Variants in RYR1 observed in about 807,000 individuals in gnomAD.
RYR1 encodes the protein ryanodine receptor 1.
In RYR1, 342 loss-of-function variants were observed where a neutral mutation model predicts 583.5. That is an observed-to-expected ratio of 0.59 (90% CI 0.54 to 0.64). The LOEUF is 0.64. Among genes scored for constraint, RYR1 ranks in the 30% least tolerant of loss-of-function variants. The probability of loss-of-function intolerance (pLI) is 0.00; values close to 1 mark genes in which losing one functional copy is unlikely to be tolerated. For synonymous variants in RYR1, 2,791 were observed against 2,822.5 expected (o/e 0.99, Z 0.35); for missense variants, 6,032 against 6,917.2 (o/e 0.87, Z 4.54).
chr19:38,470,261 T>A (rs188101668), intron 27 of RYR1, among the ~76,000 whole-genome samples: 5,557 of 149,148 alleles, frequency 0.037, 345 homozygotes, highest in African/African-American at 0.13. Flanking sequence ...CAAAAAAAAA[T>A]TTTTTTTTAA....
At chr19:38,548,572 A>G (rs750845008) in intron 89 of RYR1, 152 bp downstream of exon 89, 31 of 736,800 alleles carry the variant, frequency 4.2e-5, no homozygotes, top group Non-Finnish European at 6.1e-5. Context: ...CTTGGGTTAT[A>G]TGTATTCTGT....
In RYR1 at chr19:38,444,620, G is replaced by A. The variant is rs568522756; in HGVS notation, c.574G>A (p.Ala192Thr). The A allele has an allele frequency of 1.9e-6, 3 of 1,613,992 alleles. No homozygotes were observed. Among genetic ancestry groups the A allele is most frequent in the South Asian group, 1.1e-5 (1 of 91,032 alleles). Residue 192 changes from alanine (A) to threonine (T), a missense_variant, in exon 7 of 106, where the codon GCT (alanine) becomes ACT (threonine). This residue lies in a region of RYR1 where 338 missense variants were observed against 441.6 expected (regional missense o/e 0.77). Coordinates refer to ENST00000359596, the MANE Select transcript of RYR1 (RefSeq NM_000540.3). This position sits in a 1 kb window ranked among gnomAD's most constrained non-coding sequence, Gnocchi z 5.1. ...CGCCAGTGGGGAGCTCCAGGTTGAC[G>A]CTTCCTTCATGCAGACACTATGGAA... ...STASGELQVD[A>T]SFMQTLWNMN...
At chr19:38,529,865 C>G (rs188608982) in intron 76 of RYR1, among the ~76,000 whole-genome samples, 1 of 152,142 alleles carries the variant, frequency 6.6e-6, no homozygotes, top group Admixed American at 6.5e-5. Context: ...CCAAGCTAAG[C>G]GGGGATATCT....
chr19:38,557,071 T>TG (rs1555797317), intron 89 of RYR1, among the ~76,000 whole-genome samples: 5 of 149,634 alleles, frequency 3.3e-5, no homozygotes, highest in African/African-American at 1.2e-4. Flanking sequence ...TTTTTTTTTT[T>TG]GTGACAGAGT....
intron 53 of RYR1, among the ~76,000 whole-genome samples, chr19:38,505,599 T>C (rs771822013): frequency 3.3e-5 from 5 of 152,122 alleles, no homozygotes; most frequent in Non-Finnish European, 5.9e-5. Context: ...TCCTTGGCTG[T>C]AGTAAGACTT....
At position 38,527,007 on chromosome 19, in the gene RYR1, G is replaced by T; in HGVS notation, c.10641G>T (p.Glu3547Asp). Residue 3547 changes from glutamate (E) to aspartate (D), a missense_variant, in exon 72 of 106, where the codon GAG becomes GAT. Glu to Asp is a conservative substitution (Grantham distance 45). Around this residue, in one of 11 missense-constraint regions of RYR1, gnomAD observed 1,493 missense variants for 1,715.5 expected, o/e 0.87. Transcript: ENST00000359596. Reference protein sequence around the residue: ...KTRYALKDTDEEVREFLHNNL... With the variant: ...KTRYALKDTDDEVREFLHNNL... ...TGTCTCCCCAGAAAGACACAGATGAGGAGGTCCGGGAATTTCTGCACAACA... is the reference window on the plus strand; with the variant it reads ...TGTCTCCCCAGAAAGACACAGATGATGAGGTCCGGGAATTTCTGCACAACA... The T allele has an allele frequency of 6.2e-7, 1 of 1,613,974 alleles. No homozygotes were observed. The highest frequency in any genetic ancestry group is 8.5e-7 in the Non-Finnish European group (1 of 1,179,908).
rs2145894815 is a variant in RYR1 at position 38,579,990 on chromosome 19, G to A, written c.14373G>A (p.Leu4791=). Residue 4791 remains leucine, a synonymous_variant, in exon 100 of 106, where the codon CTG becomes CTA. Transcript: ENST00000359596. ...FGVIFTDNSF[L]YLGWYMVMSL... ...GCCCTGTGTGCCCACAGTCCTTCCT[G>A]TACCTGGGCTGGTATATGGTGATGT... is the stretch of plus-strand genomic sequence containing the variant. The A allele has an allele frequency of 6.2e-7, 1 of 1,614,152 alleles. No homozygotes were observed. Among genetic ancestry groups the A allele is most frequent in the African/African-American group, 1.3e-5 (1 of 75,048 alleles).
At chr19:38,542,602 T>C (rs1201396856) in intron 84 of RYR1, among the ~76,000 whole-genome samples, 1 of 152,166 alleles carries the variant, frequency 6.6e-6, no homozygotes, top group Admixed American at 6.5e-5. Flanking sequence ...CACTGCAACC[T>C]CTGCCTTCCG....
In RYR1 at chr19:38,580,357, A is replaced by G. The variant is rs1974144364; in HGVS notation, c.14512-13A>G. ...CCCAGGGCGGAGCTGACCTGGCCCCATCCTGCCCCCAGCTGGTGATGACCG... is the reference window on the plus strand; with the variant it reads ...CCCAGGGCGGAGCTGACCTGGCCCCGTCCTGCCCCCAGCTGGTGATGACCG... On this transcript the variant is annotated splice_polypyrimidine_tract_variant and intron_variant, in intron 100 of 105. Coordinates refer to ENST00000359596, the MANE Select transcript of RYR1 (RefSeq NM_000540.3). 6.2e-7 allele frequency: 1 copy of G among 1,613,728 alleles called. No homozygotes were observed. The highest frequency in any genetic ancestry group is 1.3e-5 in the African/African-American group (1 of 74,914).
At chr19:38,566,740 A>G (rs1485333406) in intron 91 of RYR1, among the ~76,000 whole-genome samples, 171 bp from the exon 92 acceptor site, 1 of 152,172 alleles carries the variant, frequency 6.6e-6, no homozygotes. Context: ...GATGAGCCTC[A>G]GTTTCCCCTC....
chr19:38,464,581 AGACGGGGCAGG>A (rs1967987798), intron 22 of RYR1, 47 bp from the exon 23 acceptor site: 2 of 1,443,290 alleles, frequency 1.4e-6, no homozygotes, highest in Non-Finnish European at 1.9e-6. Flanking sequence ...CCGTGGGAGG[AGACGGGGCAGG>A]GAGCTCTGAG....
intron 12 of RYR1, 118 bp downstream of exon 12, chr19:38,452,003 CATGGGCCAAGCGCAGTGGCT>C: frequency 7.0e-7 from 1 of 1,436,972 alleles, no homozygotes; most frequent in Non-Finnish European, 9.8e-7. Context: ...CTAACATATA[CATGGGCCAAGCGCAGTGGCT>C]CACACCTGTA....
chr19:38,480,741 ATTTATT>A (rs1968967515), intron 31 of RYR1, among the ~76,000 whole-genome samples: 2 of 151,600 alleles, frequency 1.3e-5, no homozygotes, highest in Non-Finnish European at 2.9e-5. Context: ...TTTATTTATT[ATTTATT>A]TTTATTTTAT....
chr19:38,583,643 G>A (rs1236097170), intron 101 of RYR1, among the ~76,000 whole-genome samples: 1 of 151,990 alleles, frequency 6.6e-6, no homozygotes, highest in Non-Finnish European at 1.5e-5. Flanking sequence ...CCCTGCCTGG[G>A]TCTAACCGCA....
chr19:38,510,685 A>C lies in RYR1; in HGVS notation c.9026A>C (p.Tyr3009Ser). ...ATCCTGCTCCCTTTGATCAACCAGT[A>C]CTTCACCAACCACTGCCTCTATTTC... The part of the protein sequence containing the change: ...AKILLPLINQ[Y>S]FTNHCLYFLS... Residue 3009 changes from tyrosine to serine, a missense_variant, in exon 60 of 106, where the codon TAC (tyrosine) becomes TCC (serine). By Grantham distance (144) the Tyr-to-Ser change is moderately radical. Coordinates refer to ENST00000359596, the MANE Select transcript of RYR1 (RefSeq NM_000540.3). 1 of 1,613,928 alleles carries C rather than the reference A, an allele frequency of 6.2e-7. No homozygotes were observed. Among genetic ancestry groups the C allele is most frequent in the Non-Finnish European group, 8.5e-7 (1 of 1,179,986 alleles).
rs1250045343 is a variant in RYR1 at position 38,490,602 on chromosome 19, A to G, written c.6016-19A>G. On this transcript the variant is annotated intron_variant, in intron 36 of 105. Coordinates refer to ENST00000359596, the MANE Select transcript of RYR1 (RefSeq NM_000540.3). Reference sequence around the variant, plus strand: ...TTTGGGATCTCAGACCCTCATTCTAATCTTTGACCTTCCCCTAGATCAATA... The same window carrying G: ...TTTGGGATCTCAGACCCTCATTCTAGTCTTTGACCTTCCCCTAGATCAATA... 3.3e-6 allele frequency: 5 copies of G among 1,504,752 alleles called. No individual in the cohort carries two copies. The Admixed American group carries it at 8.4e-5, about 25-fold the overall frequency. 93.2% of individuals were successfully genotyped at this position (1,504,752 alleles called of 1,614,324 possible).
At chr19:38,475,634 T>C (rs1600737535) in intron 29 of RYR1, among the ~76,000 whole-genome samples, 184 bp downstream of exon 29, 1 of 152,148 alleles carries the variant, frequency 6.6e-6, no homozygotes, top group African/African-American at 2.4e-5. Context: ...TAAATCCATA[T>C]AGCTATGGCC....
intron 38 of RYR1, 39 bp downstream of exon 38, chr19:38,492,675 G>A (rs1471715834): frequency 1.3e-6 from 2 of 1,533,356 alleles, no homozygotes; most frequent in Admixed American, 1.8e-5. Context: ...CAGGGGTGGG[G>A]TGGGTAGCCC....
chr19:38,518,401 TAAAAAAAAA>T (rs10714494), intron 66 of RYR1, among the ~76,000 whole-genome samples: 6 of 113,802 alleles, frequency 5.3e-5, no homozygotes, highest in East Asian at 2.5e-4. Context: ...CTCTATTATT[TAAAAAAAAA>T]AAAAAAAAAA....
Sources: gnomAD v4.1 joint callset for allele counts (sites outside exome capture counted in the v4.1 genomes callset) on GRCh38, gnomAD v4.1.1 for gene constraint, gnomAD v4.1.1 regional missense constraint, Gnocchi (gnomAD v3.1) non-coding constraint, MANE v1.5 for transcripts, NCBI Gene and HGNC (gene_info 2026-07-23, HGNC 2026-07-21) for gene names.